Variants in PISD observed in about 807,000 individuals in gnomAD.
The protein encoded by PISD is phosphatidylserine decarboxylase.
In PISD, 31 loss-of-function variants were observed where a neutral mutation model predicts 43.5. That is an observed-to-expected ratio of 0.71 (90% CI 0.54 to 0.96). PISD has a LOEUF of 0.96. Among genes scored for constraint, PISD ranks in the 40% least tolerant of loss-of-function variants. The pLI is 0.00. For synonymous variants in PISD, 259 were observed against 228.7 expected (o/e 1.13, Z -1.20); for missense variants, 523 against 548.4 (o/e 0.95, Z 0.46).
rs1183477210 is a variant in PISD at position 31,619,762 on chromosome 22, T to C, written c.1080A>G (p.Arg360=). The C allele has an allele frequency of 6.2e-7, 1 of 1,614,026 alleles. No individual in the cohort carries two copies. The highest frequency in any genetic ancestry group is 1.3e-5 in the African/African-American group (1 of 74,932). ...NDFSFVTHTN[R]EGVPMRKGEH... is the part of the protein sequence containing the mutation. ...CGCCCTTACGCATGGGGACGCCCTC[T>C]CTATTGGTGTGCGTCACGAAGCTGA... The change falls in exon 8 of 8, where the codon AGA becomes AGG. Residue 360 remains arginine, a synonymous_variant. Transcript: ENST00000439502.
intron 1 of PISD, among the ~76,000 whole-genome samples, chr22:31,659,101 G>A (rs916401729): frequency 2.6e-5 from 4 of 151,966 alleles, no homozygotes; most frequent in Non-Finnish European, 5.9e-5. Flanking sequence ...CAATCCACCC[G>A]CCTTAGCCTC....
Position 31,630,942 on chromosome 22 carries a change from C to T in PISD, c.322-9057G>A. The T allele has an allele frequency of 1.2e-6, 1 of 832,526 alleles. No homozygotes were observed. Among genetic ancestry groups the T allele is most frequent in the South Asian group, 5.5e-5 (1 of 18,270 alleles). The allele number at this position is 832,526 out of a possible 1,614,324, so 51.6% of individuals were successfully genotyped here. On this transcript the variant is annotated intron_variant, in intron 3 of 7. Transcript: ENST00000439502. This position sits in a 1 kb window ranked among gnomAD's most constrained non-coding sequence, Gnocchi z 4.4. ...GGGGGCAGGAGGCCGACCCCAGCCA[C>T]CCTTAAAGCTGCCGCCCCCTCTGAG...
rs543760101 is a variant in PISD at position 31,633,434 on chromosome 22, C to A, written c.322-11549G>T. On this transcript the variant is annotated intron_variant, in intron 3 of 7. Coordinates refer to ENST00000439502, the MANE Select transcript of PISD (RefSeq NM_001326411.2). ...GATGGGTGTTTAAAAACCCGTAAAC[C>A]ACCAGGCGCGGTGGCTCATGCCTGT... Among the ~76,000 whole-genome samples, 67 of 152,146 alleles carry A rather than the reference C, an allele frequency of 4.4e-4. 1 individual carries two copies. The highest frequency in any genetic ancestry group is 4.4e-3 in the Admixed American group (67 of 15,266).
intron 1 of PISD, among the ~76,000 whole-genome samples, chr22:31,654,718 C>T (rs1425224811): frequency 6.6e-6 from 1 of 152,150 alleles, no homozygotes; most frequent in Non-Finnish European, 1.5e-5. Flanking sequence ...AGGCATTCAC[C>T]TCCAAGCTTA....
intron 3 of PISD, chr22:31,626,077 A>G: frequency 7.2e-7 from 1 of 1,396,056 alleles, no homozygotes; most frequent in Non-Finnish European, 9.3e-7. Context: ...CAGGGCTTGC[A>G]GTCCAGTGCA....
chr22:31,626,198 G>T, intron 3 of PISD: 1 of 346,370 alleles, frequency 2.9e-6, no homozygotes, highest in Non-Finnish European at 4.6e-6. Flanking sequence ...GCTGGCCTGG[G>T]GAGGCAGTAG....
rs2072328520 is a variant in PISD, at chr22:31,619,098, G to A, written c.*514C>T. On this transcript the variant is annotated 3_prime_UTR_variant, in exon 8 of 8. Coordinates refer to ENST00000439502, the MANE Select transcript of PISD (RefSeq NM_001326411.2). ...TTCTAAAGAGCAGGATGAGGTGAAT[G>A]TGGGAACGGAAAGCAGTTGTCACGA... 4.0e-6 allele frequency: 1 copy of A among 250,430 alleles called. No individual in the cohort carries two copies. Among genetic ancestry groups the A allele is most frequent in the Admixed American group, 5.1e-5 (1 of 19,432 alleles). 15.5% of individuals were successfully genotyped at this position (250,430 alleles called of 1,614,324 possible). A position where few individuals can be genotyped will look rare whatever the true frequency, so the allele number is the denominator to read the frequency against.
rs567105342 is a variant in PISD at position 31,619,745 on chromosome 22, C to T, written c.1097G>A (p.Arg366His). The change falls in exon 8 of 8, where the codon CGT (arginine) becomes CAT (histidine). Residue 366 changes from arginine to histidine, a missense_variant. Coordinates refer to ENST00000439502, the MANE Select transcript of PISD (RefSeq NM_001326411.2). ...THTNREGVPM[R>H]KGEHLGEFNL... ...GAACTCGCCCAGGTGCTCGCCCTTACGCATGGGGACGCCCTCTCTATTGGT... is the reference window on the plus strand; with the variant it reads ...GAACTCGCCCAGGTGCTCGCCCTTATGCATGGGGACGCCCTCTCTATTGGT... 5.0e-5 allele frequency: 80 copies of T among 1,614,186 alleles called. No individual in the cohort carries two copies. In the Admixed American group the frequency reaches 8.2e-4, roughly 16 times the overall value.
intron 3 of PISD, chr22:31,623,751 AG>A (rs1330155965): frequency 6.2e-7 from 1 of 1,614,212 alleles, no homozygotes; most frequent in East Asian, 2.2e-5. Context: ...GAGGTAGTAG[AG>A]GACGGTCAAG....
At chr22:31,650,910 T>C (rs1033472771) in intron 1 of PISD, 132 bp from the exon 2 acceptor site, 5 of 548,548 alleles carry the variant, frequency 9.1e-6, no homozygotes, top group East Asian at 6.1e-5. Context: ...AACTGTACTG[T>C]AGATAAGAAA....
At chr22:31,628,223 G>A (rs2147672078) in intron 3 of PISD, 1 of 983,758 alleles carries the variant, frequency 1.0e-6, no homozygotes, top group Non-Finnish European at 1.2e-6. Context: ...GCAGGATGGA[G>A]AGAAGGGGCG....
At chr22:31,651,051 C>A (rs1325484148) in intron 1 of PISD, among the ~76,000 whole-genome samples, 2 of 152,174 alleles carry the variant, frequency 1.3e-5, no homozygotes, top group East Asian at 3.8e-4. Flanking sequence ...CCAACCTCTG[C>A]CTCCCGGGCT....
chr22:31,625,529 C>T (rs946144653), intron 3 of PISD: 10 of 602,682 alleles, frequency 1.7e-5, no homozygotes, highest in African/African-American at 9.3e-5. Context: ...GTCTGAGGCT[C>T]GCTGGCAGCC....
intron 3 of PISD, among the ~76,000 whole-genome samples, chr22:31,634,882 T>C (rs1361258218): frequency 6.6e-6 from 1 of 151,342 alleles, no homozygotes; most frequent in Non-Finnish European, 1.5e-5. Context: ...AAAAGTGCTT[T>C]TAGGCCTGGC....
rs755413379 is a variant in PISD at position 31,621,062 on chromosome 22, G to C, written c.778C>G (p.Pro260Ala). ...GAGTGGAAGCAGTGGTAGTCCCCAG[G>C]GGCCAGGTAGATGACACAGTGATAG... is the stretch of plus-strand genomic sequence containing the variant. ...ELYHCVIYLA[P>A]GDYHCFHSPT... Residue 260 changes from proline (P) to alanine (A), a missense_variant, in exon 6 of 8, where the codon CCT becomes GCT. Pro to Ala is a conservative substitution (Grantham distance 27, BLOSUM62 -1). Transcript: ENST00000439502. The C allele has an allele frequency of 6.2e-7, 1 of 1,614,076 alleles. No individual in the cohort carries two copies. The highest frequency in any genetic ancestry group is 8.5e-7 in the Non-Finnish European group (1 of 1,179,960).
At chr22:31,620,190 G>A (rs774337364) in intron 7 of PISD, among the ~76,000 whole-genome samples, 11 of 152,202 alleles carry the variant, frequency 7.2e-5, no homozygotes, top group African/African-American at 1.4e-4. Context: ...GCAGACCTGC[G>A]AGTGCTGACC....
intron 3 of PISD, chr22:31,623,618 C>T (rs1569482003): frequency 1.3e-6 from 2 of 1,483,026 alleles, no homozygotes; most frequent in Non-Finnish European, 1.8e-6. Context: ...CTCAGTCTCT[C>T]CTGCACCCCA....
intron 3 of PISD, among the ~76,000 whole-genome samples, chr22:31,635,605 C>T (rs781240558): frequency 6.6e-6 from 1 of 152,178 alleles, no homozygotes; most frequent in Non-Finnish European, 1.5e-5. Context: ...CTGAGTTCCA[C>T]ATATTCTTGA....
At chr22:31,651,253 C>T (rs1389700771) in intron 1 of PISD, among the ~76,000 whole-genome samples, 1 of 152,110 alleles carries the variant, frequency 6.6e-6, no homozygotes, top group Non-Finnish European at 1.5e-5. Flanking sequence ...CATGAGCCAC[C>T]AGGCCCAGCC....
Sources: allele counts gnomAD v4.1 joint callset (sites outside exome capture counted in the v4.1 genomes callset), GRCh38; gene constraint gnomAD v4.1.1; non-coding constraint Gnocchi (gnomAD v3.1); transcripts MANE v1.5; gene names NCBI Gene and HGNC (gene_info 2026-07-23, HGNC 2026-07-21).